Variants in ANKRD44 observed in about 807,000 individuals in gnomAD.
The protein encoded by ANKRD44 is ankyrin repeat domain 44.
ANKRD44 carries 35 observed loss-of-function variants against 116.0 expected under a neutral mutation model. That is an observed-to-expected ratio of 0.30 (90% confidence interval 0.23 to 0.40). ANKRD44 has a LOEUF of 0.40. ANKRD44 is among the 10% of genes least tolerant of loss of function. The pLI, the probability that ANKRD44 is intolerant of heterozygous loss-of-function variation, is 1.00. For synonymous variants in ANKRD44, 435 were observed against 461.8 expected (o/e 0.94, Z 0.74); for missense variants, 1,014 against 1,242.6 (o/e 0.82, Z 2.77).
chr2:197,138,098 G>C (rs966829032), intron 3 of ANKRD44, among the ~76,000 whole-genome samples: 2 of 152,282 alleles, frequency 1.3e-5, no homozygotes, highest in South Asian at 2.1e-4. Flanking sequence ...TGCACAGCGA[G>C]GCTAACAACA....
Position 196,987,388 on chromosome 2 carries a change from C to A in ANKRD44, c.*2203G>T. On this transcript the variant is annotated 3_prime_UTR_variant, in exon 28 of 28. Coordinates refer to ENST00000282272, the MANE Select transcript of ANKRD44 (RefSeq NM_001195144.2). ...CTCAAATGAAAAAATACAAAACATT[C>A]CACAGAACATTTTCAGAATATACAA... The A allele has an allele frequency of 2.0e-6, 2 of 984,926 alleles. No individual in the cohort carries two copies. The highest frequency in any genetic ancestry group is 2.4e-6 in the Non-Finnish European group (2 of 829,504). The allele number at this position is 984,926 out of a possible 1,614,324, so 61.0% of individuals were successfully genotyped here.
chr2:197,155,627 T>TAAAC (rs1183905323), intron 2 of ANKRD44, among the ~76,000 whole-genome samples: 3 of 152,172 alleles, frequency 2.0e-5, no homozygotes, highest in Non-Finnish European at 4.4e-5. Context: ...AATGAGATAT[T>TAAAC]AAACTTTGGG....
intron 1 of ANKRD44, among the ~76,000 whole-genome samples, chr2:197,187,323 G>A (rs2125603665): frequency 6.6e-6 from 1 of 152,342 alleles, no homozygotes; most frequent in East Asian, 1.9e-4. Context: ...AGCCAGGCCA[G>A]ATAGTCTCTA....
At chr2:197,000,950 AT>A (rs1360154570) in intron 22 of ANKRD44, among the ~76,000 whole-genome samples, 1 of 152,194 alleles carries the variant, frequency 6.6e-6, no homozygotes, top group Non-Finnish European at 1.5e-5. Context: ...AGGCAGGAGA[AT>A]TGCTTGAACC....
intron 3 of ANKRD44, among the ~76,000 whole-genome samples, chr2:197,138,799 A>C (rs973234077): frequency 2.6e-5 from 4 of 152,172 alleles, no homozygotes; most frequent in African/African-American, 4.8e-5. Flanking sequence ...CACTCAGACC[A>C]TATGCAGTCC....
At chr2:197,180,839 A>C (rs2080485265) in intron 2 of ANKRD44, among the ~76,000 whole-genome samples, 1 of 152,156 alleles carries the variant, frequency 6.6e-6, no homozygotes, top group African/African-American at 2.4e-5. Context: ...TTTAAAATAT[A>C]CTCTATTTTA....
chr2:197,177,345 A>G (rs1024758598), intron 2 of ANKRD44, among the ~76,000 whole-genome samples: 1 of 152,208 alleles, frequency 6.6e-6, no homozygotes, highest in African/African-American at 2.4e-5. Context: ...AATTCTACTA[A>G]GATGGCAACA....
chr2:197,277,249 C>T (rs2083118829), intron 1 of ANKRD44, among the ~76,000 whole-genome samples: 1 of 152,024 alleles, frequency 6.6e-6, no homozygotes, highest in Admixed American at 6.5e-5. Context: ...TTGGTACCCA[C>T]AAGTATAGAG....
At chr2:197,067,472 G>A (rs1338016187) in intron 16 of ANKRD44, among the ~76,000 whole-genome samples, 11 of 149,904 alleles carry the variant, frequency 7.3e-5, no homozygotes, top group East Asian at 2.0e-4. Flanking sequence ...CTGACAAAGG[G>A]CTAATATCCA....
At chr2:197,068,899 G>A (rs1226990442) in intron 16 of ANKRD44, among the ~76,000 whole-genome samples, 6 of 152,106 alleles carry the variant, frequency 3.9e-5, no homozygotes, top group Admixed American at 6.6e-5. Context: ...GCGATTCCTC[G>A]AGGATCTAGA....
At chr2:197,003,710 T>TGTGTCAGGTTTGCG (rs2076153652) in intron 21 of ANKRD44, among the ~76,000 whole-genome samples, 2 of 152,264 alleles carry the variant, frequency 1.3e-5, no homozygotes, top group South Asian at 4.2e-4. Flanking sequence ...GGATCTGGTC[T>TGTGTCAGGTTTGCG]GTGTCAGGTT....
At chr2:197,133,469 G>A (rs2079138110) in intron 4 of ANKRD44, among the ~76,000 whole-genome samples, 1 of 152,136 alleles carries the variant, frequency 6.6e-6, no homozygotes, top group South Asian at 2.1e-4. Context: ...ATCTCTCATG[G>A]TGGTTCTGCT....
At chr2:197,081,601 G>A in intron 15 of ANKRD44, 44 bp downstream of exon 15, 1 of 1,553,048 alleles carries the variant, frequency 6.4e-7, no homozygotes, top group South Asian at 1.1e-5. Flanking sequence ...AGCAGAAGAA[G>A]CGTCAGAAAT....
intron 9 of ANKRD44, among the ~76,000 whole-genome samples, chr2:197,107,775 G>C (rs934979911): frequency 1.3e-5 from 2 of 152,202 alleles, no homozygotes; most frequent in African/African-American, 4.8e-5. Context: ...TCCCACTCTG[G>C]GGGGACTGAC....
chr2:197,077,499 G>GT (rs1344569405), intron 16 of ANKRD44, among the ~76,000 whole-genome samples: 1 of 152,134 alleles, frequency 6.6e-6, no homozygotes, highest in Non-Finnish European at 1.5e-5. Context: ...TGTTTTCAGG[G>GT]TTGTGTTTTG....
At chr2:197,020,536 A>G (rs1484226730) in intron 17 of ANKRD44, among the ~76,000 whole-genome samples, 1 of 152,192 alleles carries the variant, frequency 6.6e-6, no homozygotes, top group Non-Finnish European at 1.5e-5. Context: ...GAATCTCATC[A>G]TGTTTTAAGA....
intron 3 of ANKRD44, among the ~76,000 whole-genome samples, chr2:197,142,757 C>G (rs963813219): frequency 3.9e-5 from 6 of 152,100 alleles, no homozygotes; most frequent in Non-Finnish European, 8.8e-5. Context: ...GATGTGCCCC[C>G]AGCTCTGGAA....
At chr2:197,037,663 T>C (rs1378599367) in intron 16 of ANKRD44, among the ~76,000 whole-genome samples, 1 of 152,220 alleles carries the variant, frequency 6.6e-6, no homozygotes, top group Non-Finnish European at 1.5e-5. Flanking sequence ...TGAAGCTGGA[T>C]GCAGTGGCTT....
At chr2:197,019,947 C>T (rs924867243) in intron 17 of ANKRD44, among the ~76,000 whole-genome samples, 2 of 152,162 alleles carry the variant, frequency 1.3e-5, no homozygotes, top group South Asian at 2.1e-4. Context: ...CAGGTGCACG[C>T]CACCATGCCC....
Sources: gnomAD v4.1 joint callset for allele counts (sites outside exome capture counted in the v4.1 genomes callset) on GRCh38, gnomAD v4.1.1 for gene constraint, MANE v1.5 for transcripts, NCBI Gene and HGNC (gene_info 2026-07-23, HGNC 2026-07-21) for gene names.